The following MIDEAS variants were observed in gnomAD, a reference collection of about 807,000 sequenced individuals.
MIDEAS encodes the protein mitotic deacetylase-associated SANT domain protein.
In MIDEAS, 26 loss-of-function variants were observed where a neutral mutation model predicts 102.7. The observed-to-expected ratio is 0.25, with a 90% CI of 0.19 to 0.35. MIDEAS has a LOEUF of 0.35. MIDEAS is among the 10% of genes least tolerant of loss of function. The probability of loss-of-function intolerance (pLI) is 1.00; values close to 1 mark genes in which losing one functional copy is unlikely to be tolerated. For missense variants in MIDEAS, 1,231 were observed against 1,435.6 expected, an observed-to-expected ratio of 0.86 and a Z score of 2.30; for synonymous variants, 585 against 591.0, an observed-to-expected ratio of 0.99 and a Z score of 0.15.
chr14:73,737,263 AC>A lies in MIDEAS; in HGVS notation c.1483del (p.Val495TyrfsTer17). The A allele has an allele frequency of 6.2e-7, 1 of 1,612,930 alleles. No homozygotes were observed. Among genetic ancestry groups the A allele is most frequent in the Non-Finnish European group, 8.5e-7 (1 of 1,179,036 alleles). Reference protein sequence around the residue: ...GSGSEEKRKSVLASTTKCGVE... With the variant: ...GSGSEEKRKSXLASTTKCGVE... The stretch of plus-strand genomic sequence containing the variant: ...CCCACACTTGGTAGTTGAGGCCAAT[AC>A]ACTTTTCCGCTTCTCTTCAGAACCA... On this transcript the variant is annotated frameshift_variant, in exon 3 of 13. Coordinates refer to ENST00000423556, the MANE Select transcript of MIDEAS (RefSeq NM_001367710.1). LOFTEE classifies it high-confidence loss of function.
rs766146962 is a variant in MIDEAS at position 73,738,657 on chromosome 14, A to G, written c.1352T>C (p.Ile451Thr). ...CCGGCGCCTCCGTCGCGTGCTCTGG[A>G]TCACTCCGCCCCGTAGCACCTGCCC... Reference protein sequence around the residue: ...DCGQVLRGGVIQSTRRRRRAS... With the variant: ...DCGQVLRGGVTQSTRRRRRAS... Residue 451 changes from isoleucine (I) to threonine (T), a missense_variant, in exon 2 of 13, where the codon ATC (isoleucine) becomes ACC (threonine). Physicochemically the swap from Ile to Thr is moderately conservative, Grantham distance 89 (BLOSUM62 -1). Coordinates refer to ENST00000423556, the MANE Select transcript of MIDEAS (RefSeq NM_001367710.1). The G allele has an allele frequency of 6.2e-7, 1 of 1,613,666 alleles. No individual in the cohort carries two copies.
intron 1 of MIDEAS, among the ~76,000 whole-genome samples, chr14:73,774,683 C>T (rs980355094): frequency 3.7e-4 from 56 of 152,058 alleles, no homozygotes; most frequent in African/African-American, 1.3e-3. Flanking sequence ...CCCCAAATCC[C>T]CTTCCTACTC....
chr14:73,777,027 G>A (rs953810204), intron 1 of MIDEAS, among the ~76,000 whole-genome samples: 4 of 151,638 alleles, frequency 2.6e-5, no homozygotes, highest in South Asian at 4.2e-4. Flanking sequence ...CCGAGATCAC[G>A]CCACTGCACT....
intron 1 of MIDEAS, among the ~76,000 whole-genome samples, chr14:73,750,344 T>C (rs1463221577): frequency 6.6e-6 from 1 of 152,154 alleles, no homozygotes; most frequent in Non-Finnish European, 1.5e-5. Context: ...ATGCTACACT[T>C]GAGAACTTCA....
Position 73,732,172 on chromosome 14 carries a change from C to A in MIDEAS, c.1750-2187G>T, listed in dbSNP as rs1440366874. Among the ~76,000 whole-genome samples, 3 of 151,788 alleles carry A rather than the reference C, an allele frequency of 2.0e-5. No individual in the cohort carries two copies. The East Asian group carries it at 5.8e-4, about 29-fold the overall frequency. ...GCCTCTACCACAAACTTTTCCTCAA[C>A]CAGAGAACAAGAACCCAGAGAGCAG... On this transcript the variant is annotated intron_variant, in intron 3 of 12. Transcript: ENST00000423556.
At position 73,721,236 on chromosome 14, in the gene MIDEAS, C is replaced by T. The variant is rs116418438; in HGVS notation, c.2937+61G>A. ...CAGTCCTGCTCTACCCTCCCTCCCA[C>T]GCCCCCAGGCCCAGCTCCACCCTGC... On this transcript the variant is annotated intron_variant, in intron 11 of 12. Coordinates refer to ENST00000423556, the MANE Select transcript of MIDEAS (RefSeq NM_001367710.1). The T allele has an allele frequency of 2.4e-3, 3,587 of 1,526,110 alleles. 65 individuals carry two copies. The African/African-American group carries it at 0.042, about 18-fold the overall frequency. The allele number at this position is 1,526,110 out of a possible 1,614,324, so 94.5% of individuals were successfully genotyped here.
chr14:73,722,009 C>T (rs2140096159), intron 10 of MIDEAS, among the ~76,000 whole-genome samples: 1 of 152,304 alleles, frequency 6.6e-6, no homozygotes, highest in South Asian at 2.1e-4. Context: ...AAGTAACCTT[C>T]CCTTTTAATT....
intron 1 of MIDEAS, among the ~76,000 whole-genome samples, chr14:73,774,510 T>C (rs996096259): frequency 1.3e-5 from 2 of 151,784 alleles, no homozygotes; most frequent in Admixed American, 1.3e-4. Flanking sequence ...AACGAAAGGA[T>C]CCTCTAATGG....
rs1330899666 is a variant in MIDEAS, at chr14:73,719,028, G to T, written c.3135-20C>A. 2.0e-5 allele frequency: 29 copies of T among 1,462,760 alleles called. No individual in the cohort carries two copies. The highest frequency in any genetic ancestry group is 2.4e-5 in the Non-Finnish European group (27 of 1,114,062). The allele number at this position is 1,462,760 out of a possible 1,614,324, so 90.6% of individuals were successfully genotyped here. On this transcript the variant is annotated intron_variant, in intron 12 of 12. Transcript: ENST00000423556. ...AACACCCTGCAGCCGGGTGGGGGTT[G>T]CTCAGAACCGGCCTAGCCCACCCGG...
intron 1 of MIDEAS, among the ~76,000 whole-genome samples, chr14:73,783,933 T>C (rs2053781325): frequency 6.6e-6 from 1 of 152,102 alleles, no homozygotes; most frequent in East Asian, 1.9e-4. Context: ...GGTTGTGGTA[T>C]AGGAAGTGGG....
intron 3 of MIDEAS, among the ~76,000 whole-genome samples, chr14:73,733,572 G>C (rs763092820): frequency 1.3e-5 from 2 of 152,114 alleles, no homozygotes; most frequent in African/African-American, 2.4e-5. Context: ...CTGCACAACA[G>C]AGTGAGACTC....
rs1158181875 is a variant in MIDEAS, at chr14:73,742,867, G to A, written c.-247-2612C>T. The stretch of plus-strand genomic sequence containing the variant: ...GTGAAGAGGCACACCTAGGCAGCAG[G>A]GCACTAAGTAGTCATAGGAGTAATG... On this transcript the variant is annotated intron_variant, in intron 1 of 12. Coordinates refer to ENST00000423556, the MANE Select transcript of MIDEAS (RefSeq NM_001367710.1). This position sits in a 1 kb window ranked among gnomAD's most constrained non-coding sequence, Gnocchi z 4.4. 2.0e-5 allele frequency among the ~76,000 whole-genome samples: 3 copies of A among 152,124 alleles called. No individual in the cohort carries two copies. Among genetic ancestry groups the A allele is most frequent in the Non-Finnish European group, 2.9e-5 (2 of 68,018 alleles).
chr14:73,727,281 CCA>C (rs1227733753), intron 5 of MIDEAS, 175 bp downstream of exon 5: 11 of 699,416 alleles, frequency 1.6e-5, no homozygotes, highest in Admixed American at 8.1e-5. Context: ...CCTGCAACTT[CCA>C]CACAGAGGCA....
Position 73,716,661 on chromosome 14 carries a change from C to A in MIDEAS, c.*2182G>T, listed in dbSNP as rs767039352. The A allele has an allele frequency of 1.6e-5, 2 of 121,616 alleles. No homozygotes were observed. The highest frequency in any genetic ancestry group is 3.1e-5 in the Non-Finnish European group (2 of 63,720). 7.5% of individuals were successfully genotyped at this position (121,616 alleles called of 1,614,324 possible). On this transcript the variant is annotated 3_prime_UTR_variant, in exon 13 of 13. Transcript: ENST00000423556. ...TCACACCACTGCACTCCAGCCTGGG[C>A]GACAGAATGAGACTCTGTCTCAAAA...
chr14:73,729,606 G>A (rs772978978), intron 4 of MIDEAS, 34 bp downstream of exon 4: 21 of 1,551,024 alleles, frequency 1.4e-5, no homozygotes, highest in South Asian at 7.2e-5. Flanking sequence ...CCCCAGCCCC[G>A]CTCCTGCCAG....
At chr14:73,762,492 A>G (rs975562278), upstream of MIDEAS, among the ~76,000 whole-genome samples, 55 of 149,912 alleles carry the variant, frequency 3.7e-4, no homozygotes, top group African/African-American at 1.3e-3. Flanking sequence ...AGGGGCACAC[A>G]TGTGTGCAGG....
intron 1 of MIDEAS, among the ~76,000 whole-genome samples, chr14:73,784,414 C>A (rs2053787376): frequency 6.6e-6 from 1 of 152,244 alleles, no homozygotes; most frequent in African/African-American, 2.4e-5. Context: ...AGGTGAGGGG[C>A]CTGCATGTGG....
rs370893861 is a variant in MIDEAS at position 73,722,684 on chromosome 14, G to T, written c.2724+14C>A. ...GCCCAGGCTCTATGCAGCTGAGGTTGGAAAAGGAGTCACCTTAATATCCAC... is the reference window on the plus strand; with the variant it reads ...GCCCAGGCTCTATGCAGCTGAGGTTTGAAAAGGAGTCACCTTAATATCCAC... On this transcript the variant is annotated intron_variant, in intron 10 of 12. Transcript: ENST00000423556. The T allele has an allele frequency of 6.2e-7, 1 of 1,613,082 alleles. No individual in the cohort carries two copies. The highest frequency in any genetic ancestry group is 8.5e-7 in the Non-Finnish European group (1 of 1,179,298).
chr14:73,745,528 C>G, intron 1 of MIDEAS, among the ~76,000 whole-genome samples: 1 of 152,194 alleles, frequency 6.6e-6, no homozygotes, highest in East Asian at 1.9e-4. Flanking sequence ...CACAGCATGG[C>G]CCAGCTGGCC....
Sources: gnomAD v4.1 joint callset for allele counts (sites outside exome capture counted in the v4.1 genomes callset) on GRCh38, gnomAD v4.1.1 for gene constraint, Gnocchi (gnomAD v3.1) non-coding constraint, MANE v1.5 for transcripts, NCBI Gene and HGNC (gene_info 2026-07-23, HGNC 2026-07-21) for gene names.